PDSS2: variants seen among roughly 807,000 people sequenced by gnomAD.
The protein encoded by PDSS2 is all trans-polyprenyl-diphosphate synthase PDSS2.
In PDSS2, 31 loss-of-function variants were observed where a neutral mutation model predicts 44.5. The observed-to-expected ratio is 0.70, with a 90% CI of 0.52 to 0.94. PDSS2 has a LOEUF of 0.94. Among genes scored for constraint, PDSS2 ranks in the 40% least tolerant of loss-of-function variants. The pLI is 0.00. For missense variants in PDSS2, 452 were observed against 482.2 expected (o/e 0.94, Z 0.59); for synonymous variants, 157 against 180.3 (o/e 0.87, Z 1.03).
chr6:107,235,458 G>A (rs535958089), intron 4 of PDSS2, among the ~76,000 whole-genome samples: 3 of 152,236 alleles, frequency 2.0e-5, no homozygotes, highest in Admixed American at 6.5e-5. Context: ...GAAAGGTCTC[G>A]CTTTAATAGT....
At chr6:107,341,031 A>G (rs1778063146) in intron 1 of PDSS2, among the ~76,000 whole-genome samples, 1 of 152,170 alleles carries the variant, frequency 6.6e-6, no homozygotes, top group African/African-American at 2.4e-5. Context: ...AGAGCTAAAG[A>G]CTAAAACTGT....
At chr6:107,337,561 T>C (rs1432543309) in intron 1 of PDSS2, among the ~76,000 whole-genome samples, 1 of 152,254 alleles carries the variant, frequency 6.6e-6, no homozygotes, top group Non-Finnish European at 1.5e-5. Context: ...AGTCATTGTA[T>C]GGAAGAGACA....
chr6:107,211,471 C>A (rs1429582851), intron 5 of PDSS2, among the ~76,000 whole-genome samples: 1 of 152,004 alleles, frequency 6.6e-6, no homozygotes, highest in Non-Finnish European at 1.5e-5. Context: ...GTGGCTCACA[C>A]CTGTAATCCC....
chr6:107,243,714 G>A (rs969932783), intron 4 of PDSS2, among the ~76,000 whole-genome samples: 7 of 152,204 alleles, frequency 4.6e-5, no homozygotes, highest in African/African-American at 1.7e-4. Flanking sequence ...GTACGGGGAA[G>A]TGCTGGGTAG....
chr6:107,187,524 G>C (rs904035722), intron 7 of PDSS2, among the ~76,000 whole-genome samples: 13 of 152,190 alleles, frequency 8.5e-5, no homozygotes, highest in Non-Finnish European at 1.8e-4. Context: ...AATTAGCTGG[G>C]TGTGGTGGCG....
intron 1 of PDSS2, among the ~76,000 whole-genome samples, chr6:107,357,589 CAAAT>C (rs1382365719): frequency 6.6e-6 from 1 of 151,946 alleles, no homozygotes; most frequent in East Asian, 1.9e-4. Context: ...CAAATGTAAA[CAAAT>C]AATGACACAA....
chr6:107,304,901 C>T (rs75639050), intron 2 of PDSS2, among the ~76,000 whole-genome samples: 4,384 of 151,812 alleles, frequency 0.029, 78 homozygotes, highest in Non-Finnish European at 0.044. Context: ...TTGGCACAGA[C>T]CACAGAGTCC....
intron 1 of PDSS2, among the ~76,000 whole-genome samples, chr6:107,348,111 A>G (rs968054101): frequency 5.3e-5 from 8 of 152,328 alleles, no homozygotes; most frequent in Non-Finnish European, 1.0e-4. Context: ...CTGGATATCT[A>G]TCGGCCTATC....
At chr6:107,372,296 C>T (rs927565978) in intron 1 of PDSS2, among the ~76,000 whole-genome samples, 1 of 151,834 alleles carries the variant, frequency 6.6e-6, no homozygotes, top group Non-Finnish European at 1.5e-5. Context: ...AAAAATCATG[C>T]TCAATAAAAA....
chr6:107,241,496 A>G (rs948291123), intron 4 of PDSS2, among the ~76,000 whole-genome samples: 8 of 150,800 alleles, frequency 5.3e-5, no homozygotes, highest in South Asian at 2.1e-4. Context: ...ACAGGCGCCC[A>G]CCACCACGCC....
At chr6:107,161,678 GGCAGAGTT>G (rs1189612452) in intron 7 of PDSS2, among the ~76,000 whole-genome samples, 1 of 152,042 alleles carries the variant, frequency 6.6e-6, no homozygotes, top group Non-Finnish European at 1.5e-5. Flanking sequence ...GTGCTATAAA[GGCAGAGTT>G]GCAGAGTTGC....
At chr6:107,254,071 T>C (rs1444409321) in intron 3 of PDSS2, among the ~76,000 whole-genome samples, 5 of 149,894 alleles carry the variant, frequency 3.3e-5, no homozygotes, top group East Asian at 3.9e-4. Context: ...TCTCACTCTG[T>C]CTCCCAGACT....
intron 1 of PDSS2, among the ~76,000 whole-genome samples, chr6:107,453,178 T>G (rs2114866849): frequency 6.6e-6 from 1 of 151,958 alleles, no homozygotes; most frequent in Non-Finnish European, 1.5e-5. Flanking sequence ...TGAGCGATTC[T>G]CATCTCAAAC....
At chr6:107,391,638 A>G (rs1307247769) in intron 1 of PDSS2, among the ~76,000 whole-genome samples, 1 of 152,158 alleles carries the variant, frequency 6.6e-6, no homozygotes, top group African/African-American at 2.4e-5. Flanking sequence ...AACCCATATT[A>G]TATTTCCTTT....
chr6:107,407,687 T>TAAC (rs1780363500), intron 1 of PDSS2, among the ~76,000 whole-genome samples: 5 of 152,304 alleles, frequency 3.3e-5, no homozygotes, highest in Non-Finnish European at 5.9e-5. Flanking sequence ...GATTGAGTAG[T>TAAC]ACTTATTACT....
chr6:107,404,456 C>A (rs1443871032), intron 1 of PDSS2, among the ~76,000 whole-genome samples: 1 of 152,118 alleles, frequency 6.6e-6, no homozygotes, highest in African/African-American at 2.4e-5. Flanking sequence ...GTCCGTTCTC[C>A]CACTGCTAAT....
chr6:107,187,549 C>T (rs1357532876), intron 7 of PDSS2, among the ~76,000 whole-genome samples: 1 of 151,990 alleles, frequency 6.6e-6, no homozygotes, highest in African/African-American at 2.4e-5. Context: ...CCTATAATCC[C>T]AGCTACTCAG....
Position 107,310,284 on chromosome 6 carries a change from CAAA to C in PDSS2, c.431+23911_431+23913del, listed in dbSNP as rs58991885. 3.1e-3 allele frequency among the ~76,000 whole-genome samples: 277 copies of C among 90,234 alleles called. 1 individual carries two copies. The highest frequency in any genetic ancestry group is 5.1e-3 in the Middle Eastern group (1 of 198). 59.2% of individuals were successfully genotyped at this position (90,234 alleles called of 152,430 possible). A position where few individuals can be genotyped will look rare whatever the true frequency, so the allele number is the denominator to read the frequency against. On this transcript the variant is annotated intron_variant, in intron 2 of 7. Transcript: ENST00000369037. ...TGGGCGACAGAGCAAGACTCCATCCCAAAAAAAAAAAAAAAAAAAAAGAGAAAG... is the reference window on the plus strand; with the variant it reads ...TGGGCGACAGAGCAAGACTCCATCCCAAAAAAAAAAAAAAAAAAGAGAAAG...
chr6:107,286,565 C>A (rs375456031), intron 2 of PDSS2, among the ~76,000 whole-genome samples: 1 of 151,746 alleles, frequency 6.6e-6, no homozygotes. Flanking sequence ...GAGGCAAATA[C>A]AGACTTGAAG....
Sources: allele counts gnomAD v4.1 joint callset (sites outside exome capture counted in the v4.1 genomes callset), GRCh38; gene constraint gnomAD v4.1.1; transcripts MANE v1.5; gene names NCBI Gene and HGNC (gene_info 2026-07-23, HGNC 2026-07-21).